Variants in SPNS2 observed in about 807,000 individuals in gnomAD.
SPNS2 encodes the protein sphingosine-1-phosphate transporter SPNS2.
Under a neutral mutation model 57.6 loss-of-function variants are expected in SPNS2, and 37 were observed. That is an observed-to-expected ratio of 0.64 (90% CI 0.49 to 0.85). The LOEUF is 0.85. Among genes scored for constraint, SPNS2 ranks in the 40% least tolerant of loss-of-function variants. The probability of loss-of-function intolerance (pLI) is 0.00; values close to 1 mark genes in which losing one functional copy is unlikely to be tolerated. For missense variants in SPNS2, 831 were observed against 779.1 expected, an observed-to-expected ratio of 1.07 and a Z score of -0.79; for synonymous variants, 440 against 346.9, an observed-to-expected ratio of 1.27 and a Z score of -2.98.
intron 11 of SPNS2, 72 bp downstream of exon 11, chr17:4,536,498 G>T: frequency 6.6e-7 from 1 of 1,513,094 alleles, no homozygotes; most frequent in Non-Finnish European, 9.0e-7. Context: ...CGTGAGCCCT[G>T]CCCTGGGGTG....
At chr17:4,531,961 C>A (rs1454425761) in intron 5 of SPNS2, among the ~76,000 whole-genome samples, 1 of 152,048 alleles carries the variant, frequency 6.6e-6, no homozygotes, top group Non-Finnish European at 1.5e-5. Flanking sequence ...CTTGATCTGT[C>A]AGTCCAGCGC....
rs891361021 is a variant in SPNS2, at chr17:4,537,521, C to A, written c.*73C>A. The A allele has an allele frequency of 2.2e-6, 1 of 456,844 alleles. No individual in the cohort carries two copies. Among genetic ancestry groups the A allele is most frequent in the Admixed American group, 2.3e-5 (1 of 42,596 alleles). 28.3% of individuals were successfully genotyped at this position (456,844 alleles called of 1,614,324 possible). On this transcript the variant is annotated 3_prime_UTR_variant, in exon 13 of 13. Coordinates refer to ENST00000329078, the MANE Select transcript of SPNS2 (RefSeq NM_001124758.3). ...GGAGGTGTCCTACAGCGTCCGGGAC[C>A]GGCTGGGCTGCCCCAAAGCTTTCTG...
intron 2 of SPNS2, among the ~76,000 whole-genome samples, chr17:4,520,543 C>A (rs1053829614): frequency 1.3e-5 from 2 of 152,116 alleles, no homozygotes; most frequent in Admixed American, 1.3e-4. Flanking sequence ...AAACACCAAA[C>A]CCTGTCCTGG....
At chr17:4,507,763 C>T (rs942226421) in intron 1 of SPNS2, among the ~76,000 whole-genome samples, 2 of 152,168 alleles carry the variant, frequency 1.3e-5, no homozygotes, top group Admixed American at 6.5e-5. Flanking sequence ...GCAGGGGGTA[C>T]GCGGGGACAA....
In SPNS2 at chr17:4,499,484, AG is replaced by A. The variant is rs1220958841; in HGVS notation, c.370+69del. On this transcript the variant is annotated intron_variant, in intron 1 of 12. Transcript: ENST00000329078. The surrounding 1 kb of genome is among the most constrained non-coding windows in gnomAD (Gnocchi z 5.2). Reference sequence around the variant, plus strand: ...CCCATCCCACCACCCGCCTCGAGGGAGGTACCCCAGAGAGCTTTTGGTCTCA... The same window carrying A: ...CCCATCCCACCACCCGCCTCGAGGGAGTACCCCAGAGAGCTTTTGGTCTCA... 1 of 1,082,338 alleles carries A rather than the reference AG, an allele frequency of 9.2e-7. No homozygotes were observed. Among genetic ancestry groups the A allele is most frequent in the East Asian group, 3.3e-5 (1 of 30,728 alleles). 67.0% of individuals were successfully genotyped at this position (1,082,338 alleles called of 1,614,324 possible). A position where few individuals can be genotyped will look rare whatever the true frequency, so the allele number is the denominator to read the frequency against.
Position 4,499,464 on chromosome 17 carries a change from C to A in SPNS2, c.370+47C>A. The A allele has an allele frequency of 8.3e-7, 1 of 1,205,102 alleles. No individual in the cohort carries two copies. The highest frequency in any genetic ancestry group is 1.1e-6 in the Non-Finnish European group (1 of 936,274). 74.7% of individuals were successfully genotyped at this position (1,205,102 alleles called of 1,614,324 possible). A position where few individuals can be genotyped will look rare whatever the true frequency, so the allele number is the denominator to read the frequency against. On this transcript the variant is annotated intron_variant, in intron 1 of 12. Coordinates refer to ENST00000329078, the MANE Select transcript of SPNS2 (RefSeq NM_001124758.3). This position sits in a 1 kb window ranked among gnomAD's most constrained non-coding sequence, Gnocchi z 5.2. The stretch of plus-strand genomic sequence containing the variant: ...CCCGAGGACCAAGACCCCACCCCAT[C>A]CCACCACCCGCCTCGAGGGAGGTAC...
At chr17:4,518,140 A>G (rs571406365) in intron 2 of SPNS2, among the ~76,000 whole-genome samples, 31 of 152,340 alleles carry the variant, frequency 2.0e-4, no homozygotes, top group African/African-American at 7.5e-4. Context: ...TCTGAGTGTG[A>G]AAGGCTTGAA....
At chr17:4,521,329 T>C (rs976287656) in intron 2 of SPNS2, among the ~76,000 whole-genome samples, 2 of 152,248 alleles carry the variant, frequency 1.3e-5, no homozygotes, top group African/African-American at 4.8e-5. Context: ...TGCCACATTC[T>C]GATCTGATCT....
chr17:4,536,932 T>C lies in SPNS2; in HGVS notation c.1640T>C (p.Val547Ala). 2 of 1,613,490 alleles carry C rather than the reference T, an allele frequency of 1.2e-6. No individual in the cohort carries two copies. The highest frequency in any genetic ancestry group is 1.7e-6 in the Non-Finnish European group (2 of 1,179,764). ...VNQLAMPPAS[V>A]KV Reference sequence around the variant, plus strand: ...CAGCTGGCGATGCCGCCCGCATCTGTGAAAGTCTGAGGTGGTGAGTGCAGG... The same window carrying C: ...CAGCTGGCGATGCCGCCCGCATCTGCGAAAGTCTGAGGTGGTGAGTGCAGG... Residue 547 changes from valine (V) to alanine (A), a missense_variant, in exon 12 of 13, where the codon GTG becomes GCG. Physicochemically the swap from Val to Ala is moderately conservative, Grantham distance 64. Transcript: ENST00000329078.
chr17:4,501,615 G>T (rs1416742786), intron 1 of SPNS2, among the ~76,000 whole-genome samples: 2 of 152,150 alleles, frequency 1.3e-5, no homozygotes, highest in South Asian at 2.1e-4. Flanking sequence ...CTCCGGATAA[G>T]CCTGGTTGCC....
intron 8 of SPNS2, 41 bp downstream of exon 8, chr17:4,533,473 C>T (rs764019755): frequency 1.3e-6 from 2 of 1,548,046 alleles, no homozygotes; most frequent in Non-Finnish European, 1.7e-6. Context: ...GGAGCTGGGC[C>T]TGGGCCGCGG....
At position 4,533,785 on chromosome 17, in the gene SPNS2, C is replaced by T; in HGVS notation, c.1279-3C>T. The T allele has an allele frequency of 6.2e-7, 1 of 1,613,742 alleles. No individual in the cohort carries two copies. The highest frequency in any genetic ancestry group is 8.5e-7 in the Non-Finnish European group (1 of 1,180,010). The stretch of plus-strand genomic sequence containing the variant: ...GATGGTGGCTTTGCCTTCTCCCCGG[C>T]AGATCTGTATCTTCGTCGGGGAGAC... On this transcript the variant is annotated splice_polypyrimidine_tract_variant and splice_region_variant and intron_variant, in intron 8 of 12. Transcript: ENST00000329078.
In SPNS2 at chr17:4,499,142, G is replaced by A. The variant is rs2144292472; in HGVS notation, c.95G>A (p.Arg32Gln). ...ERRRRRRGAQ[R>Q]GAGGSGCCGA... is the part of the protein sequence containing the mutation. ...CGGCGCCGGCGCCGGGGGGCGCAGC[G>A]AGGGGCTGGCGGTAGCGGTTGCTGC... The change falls in exon 1 of 13, where the codon CGA (arginine) becomes CAA (glutamine). Residue 32 changes from arginine (R) to glutamine (Q), a missense_variant. By Grantham distance (43) the Arg-to-Gln change is conservative. Transcript: ENST00000329078. This position sits in a 1 kb window ranked among gnomAD's most constrained non-coding sequence, Gnocchi z 5.2. The A allele has an allele frequency of 8.5e-7, 1 of 1,176,856 alleles. No homozygotes were observed. The highest frequency in any genetic ancestry group is 1.0e-6 in the Non-Finnish European group (1 of 952,716). The allele number at this position is 1,176,856 out of a possible 1,614,324, so 72.9% of individuals were successfully genotyped here.
At chr17:4,506,590 G>A (rs564579824) in intron 1 of SPNS2, among the ~76,000 whole-genome samples, 18 of 152,176 alleles carry the variant, frequency 1.2e-4, no homozygotes, top group Non-Finnish European at 2.2e-4. Context: ...CCGGCAGCCC[G>A]GCCCCGCCCA....
In SPNS2 at chr17:4,501,471, G is replaced by A. The variant is rs563743608; in HGVS notation, c.370+2054G>A. ...GGGGAGTGGTGGCTAAGAGGGGCGTGGGGCAGTTAGGGAGGAAGGCCCGGA... is the reference window on the plus strand; with the variant it reads ...GGGGAGTGGTGGCTAAGAGGGGCGTAGGGCAGTTAGGGAGGAAGGCCCGGA... On this transcript the variant is annotated intron_variant, in intron 1 of 12. Transcript: ENST00000329078. Among the ~76,000 whole-genome samples, 4 of 152,240 alleles carry A rather than the reference G, an allele frequency of 2.6e-5. No individual in the cohort carries two copies. The East Asian group carries it at 7.7e-4, about 29-fold the overall frequency.
At chr17:4,508,715 C>T (rs1171217187) in intron 1 of SPNS2, among the ~76,000 whole-genome samples, 1 of 152,188 alleles carries the variant, frequency 6.6e-6, no homozygotes, top group Non-Finnish European at 1.5e-5. Flanking sequence ...TAGAACAGCG[C>T]CTGGCACAAA....
rs1201645953 is a variant in SPNS2, at chr17:4,512,028, C to T, written c.371-1219C>T. ...CATCTGTCAACTTGGATCCTAGTAC[C>T]AGCCTCCTAGGGCTGTGTGGGGATT... On this transcript the variant is annotated intron_variant, in intron 1 of 12. Coordinates refer to ENST00000329078, the MANE Select transcript of SPNS2 (RefSeq NM_001124758.3). The surrounding 1 kb of genome is among the most constrained non-coding windows in gnomAD (Gnocchi z 5.2). Among the ~76,000 whole-genome samples, 1 of 152,190 alleles carries T rather than the reference C, an allele frequency of 6.6e-6. No individual in the cohort carries two copies. Among genetic ancestry groups the T allele is most frequent in the Non-Finnish European group, 1.5e-5 (1 of 68,022 alleles).
Position 4,499,004 on chromosome 17 carries a change from GCCCCGCGCC to G in SPNS2, c.-28_-20del, listed in dbSNP as rs950764222. Reference sequence around the variant, plus strand: ...CACGCGCTGAGCGGGCCCAGCCTGGGCCCCGCGCCCCCCGCGCCCCCCGCCGCCCCGATC... The same window carrying G: ...CACGCGCTGAGCGGGCCCAGCCTGGGCCCCGCGCCCCCCGCCGCCCCGATC... On this transcript the variant is annotated 5_prime_UTR_variant, in exon 1 of 13. Transcript: ENST00000329078. This position sits in a 1 kb window ranked among gnomAD's most constrained non-coding sequence, Gnocchi z 5.2. The G allele has an allele frequency of 3.2e-4, 318 of 984,244 alleles. No individual in the cohort carries two copies. Among genetic ancestry groups the G allele is most frequent in the Non-Finnish European group, 3.6e-4 (301 of 828,582 alleles). 61.0% of individuals were successfully genotyped at this position (984,244 alleles called of 1,614,324 possible).
chr17:4,538,960 T>C lies in SPNS2; in HGVS notation c.*1512T>C, dbSNP rs575879715. ...CTCCTTTATTTTTTAGAGCTGCTGA[T>C]TGTGAATCTCAGAGTCTTAAGAGAG... On this transcript the variant is annotated 3_prime_UTR_variant, in exon 13 of 13. Transcript: ENST00000329078. The C allele has an allele frequency of 2.5e-5, 20 of 786,830 alleles. No individual in the cohort carries two copies. The African/African-American group carries it at 2.9e-4, about 11-fold the overall frequency. 48.7% of individuals were successfully genotyped at this position (786,830 alleles called of 1,614,324 possible).
Sources: gnomAD v4.1 joint callset for allele counts (sites outside exome capture counted in the v4.1 genomes callset) on GRCh38, gnomAD v4.1.1 for gene constraint, Gnocchi (gnomAD v3.1) non-coding constraint, MANE v1.5 for transcripts, NCBI Gene and HGNC (gene_info 2026-07-23, HGNC 2026-07-21) for gene names.